The following RBM19 variants were observed in gnomAD, a reference collection of about 807,000 sequenced individuals.
RBM19 encodes the protein RNA binding motif protein 19, also known as probable RNA-binding protein 19.
Under a neutral mutation model 116.8 loss-of-function variants are expected in RBM19, and 94 were observed. That is an observed-to-expected ratio of 0.80 (90% CI 0.68 to 0.95). The LOEUF is 0.95. RBM19 is among the 40% of genes least tolerant of loss of function. The pLI is 0.00. For missense variants in RBM19, 1,161 were observed against 1,220.7 expected, an observed-to-expected ratio of 0.95 and a Z score of 0.73; for synonymous variants, 475 against 494.1, an observed-to-expected ratio of 0.96 and a Z score of 0.51.
At chr12:113,895,187 TC>T (rs1235035716) in intron 21 of RBM19, among the ~76,000 whole-genome samples, 2 of 152,226 alleles carry the variant, frequency 1.3e-5, no homozygotes, top group Admixed American at 1.3e-4. Flanking sequence ...ATATTTGAAT[TC>T]CCTGGAAAGT....
chr12:113,893,942 G>A (rs895432325), intron 21 of RBM19, among the ~76,000 whole-genome samples: 4 of 152,192 alleles, frequency 2.6e-5, no homozygotes, highest in African/African-American at 9.7e-5. Context: ...CTAATGGATG[G>A]TGTTGTCTCG....
chr12:113,964,223 T>C (rs1366374001), intron 1 of RBM19, among the ~76,000 whole-genome samples: 2 of 152,260 alleles, frequency 1.3e-5, no homozygotes, highest in Non-Finnish European at 2.9e-5. Context: ...CTCTATAAAT[T>C]ACACCAGTGT....
intron 6 of RBM19, among the ~76,000 whole-genome samples, chr12:113,956,965 A>G (rs1049526312): frequency 2.6e-5 from 4 of 152,146 alleles, no homozygotes; most frequent in Admixed American, 6.5e-5. Flanking sequence ...GATCCTCCCT[A>G]TGATTGCTGA....
intron 4 of RBM19, 64 bp downstream of exon 4, chr12:113,959,801 A>T: frequency 4.7e-6 from 7 of 1,483,044 alleles, no homozygotes; most frequent in Non-Finnish European, 5.4e-6. Flanking sequence ...TACCCTCTCC[A>T]GTCTCCACCC....
chr12:113,921,419 A>G (rs1238015171), intron 18 of RBM19, among the ~76,000 whole-genome samples: 1 of 152,096 alleles, frequency 6.6e-6, no homozygotes, highest in Non-Finnish European at 1.5e-5. Context: ...AGCATCTCAT[A>G]CATATTTGTT....
In RBM19 at chr12:113,958,000, T is replaced by A. The variant is rs150685892; in HGVS notation, c.622A>T (p.Met208Leu). Residue 208 changes from methionine to leucine, a missense_variant, in exon 6 of 24, where the codon ATG becomes TTG. Physicochemically the swap from Met to Leu is conservative, Grantham distance 15 (BLOSUM62 2). Transcript: ENST00000261741. ...KAAVQKELSD[M>L]DYLKSKMVKA... is the part of the protein sequence containing the mutation. ...ACCATCTTGGATTTCAGGTAATCCA[T>A]GTCCGACAGCTCCTTCTGCACAGCT... 6.2e-6 allele frequency: 10 copies of A among 1,614,134 alleles called. No individual in the cohort carries two copies. Among genetic ancestry groups the A allele is most frequent in the Non-Finnish European group, 8.5e-6 (10 of 1,180,004 alleles).
chr12:113,837,563 C>T (rs968792822), intron 23 of RBM19, among the ~76,000 whole-genome samples: 6 of 152,192 alleles, frequency 3.9e-5, no homozygotes, highest in African/African-American at 7.2e-5. Context: ...GCGCTGTGGC[C>T]CCATCGTACC....
chr12:113,891,132 A>C (rs1593540900), intron 21 of RBM19, among the ~76,000 whole-genome samples: 1 of 152,104 alleles, frequency 6.6e-6, no homozygotes, highest in African/African-American at 2.4e-5. Flanking sequence ...GAAACAACCC[A>C]TGGGGCTATT....
chr12:113,830,118 ACAG>A (rs1875241146), intron 23 of RBM19, among the ~76,000 whole-genome samples: 1 of 152,196 alleles, frequency 6.6e-6, no homozygotes, highest in Non-Finnish European at 1.5e-5. Flanking sequence ...CCTTACTGGC[ACAG>A]CATAGCAAAG....
chr12:113,851,317 G>C, intron 22 of RBM19, among the ~76,000 whole-genome samples: 1 of 152,184 alleles, frequency 6.6e-6, no homozygotes, highest in Non-Finnish European at 1.5e-5. Context: ...AGCTCGCTCA[G>C]CTCAGTGCGA....
intron 8 of RBM19, among the ~76,000 whole-genome samples, chr12:113,950,943 A>G (rs1391173714): frequency 1.3e-5 from 2 of 151,944 alleles, no homozygotes; most frequent in East Asian, 3.9e-4. Context: ...ATCCTCCCTT[A>G]GACGATGGCA....
rs758652606 is a variant in RBM19, at chr12:113,945,858, G to A, written c.1596C>T (p.Tyr532=). ...CAAACACTTGACTCTTGGTGGCGTT[G>A]TACTTCTGTGCGATGGCATCGGCCA... ...NAVADAIAQK[Y]NATKSQVFDH... is the part of the protein sequence containing the mutation. The change falls in exon 13 of 24, where the codon TAC becomes TAT. Residue 532 remains tyrosine, a synonymous_variant. Coordinates refer to ENST00000261741, the MANE Select transcript of RBM19 (RefSeq NM_016196.4). 3.8e-6 allele frequency: 6 copies of A among 1,584,540 alleles called. No homozygotes were observed. Among genetic ancestry groups the A allele is most frequent in the Non-Finnish European group, 5.2e-6 (6 of 1,153,126 alleles).
intron 16 of RBM19, 84 bp from the exon 17 acceptor site, chr12:113,927,313 C>G: frequency 6.8e-7 from 1 of 1,462,798 alleles, no homozygotes; most frequent in Non-Finnish European, 9.0e-7. Flanking sequence ...CTGGGGCCAA[C>G]TGCAAAAAGC....
At chr12:113,876,731 C>T (rs777749977) in intron 21 of RBM19, among the ~76,000 whole-genome samples, 1 of 151,972 alleles carries the variant, frequency 6.6e-6, no homozygotes, top group African/African-American at 2.4e-5. Flanking sequence ...GTTAGAGCTA[C>T]AGTGAGCTGA....
chr12:113,844,685 G>A lies in RBM19; in HGVS notation c.2768C>T (p.Thr923Met), dbSNP rs911656664. The change falls in exon 23 of 24, where the codon ACG becomes ATG. Residue 923 changes from threonine (T) to methionine (M), a missense_variant. Transcript: ENST00000261741. ...GCTCCTACCGTGAAAGTGAGCGGCC[G>A]TCTTCCGCCGCAGGGCCTGCAGGGT... Reference protein sequence around the residue: ...EVTLQALRRKTAAHFHEPPKK... With the variant: ...EVTLQALRRKMAAHFHEPPKK... The A allele has an allele frequency of 3.1e-6, 5 of 1,611,128 alleles. No homozygotes were observed. Among genetic ancestry groups the A allele is most frequent in the African/African-American group, 1.3e-5 (1 of 75,022 alleles).
At position 113,823,073 on chromosome 12, in the gene RBM19, C is replaced by T. The variant is rs1874547537; in HGVS notation, c.*151G>A. 4.4e-6 allele frequency: 3 copies of T among 681,674 alleles called. No homozygotes were observed. Among genetic ancestry groups the T allele is most frequent in the Admixed American group, 2.9e-5 (1 of 34,104 alleles). 42.2% of individuals were successfully genotyped at this position (681,674 alleles called of 1,614,324 possible). A position where few individuals can be genotyped will look rare whatever the true frequency, so the allele number is the denominator to read the frequency against. The stretch of plus-strand genomic sequence containing the variant: ...GGCAGTGGCCTGAGGCCTTCCTCAT[C>T]CCCTGTCTCCTCCGACCTTGGACCA... On this transcript the variant is annotated 3_prime_UTR_variant, in exon 24 of 24. Coordinates refer to ENST00000261741, the MANE Select transcript of RBM19 (RefSeq NM_016196.4).
At chr12:113,948,746 C>G in intron 10 of RBM19, 87 bp downstream of exon 10, 1 of 1,372,408 alleles carries the variant, frequency 7.3e-7, no homozygotes, top group South Asian at 1.3e-5. Flanking sequence ...GTCGTGTGCA[C>G]ACTGGGACTT....
intron 8 of RBM19, among the ~76,000 whole-genome samples, 190 bp downstream of exon 8, chr12:113,952,322 C>A (rs530312689): frequency 6.6e-6 from 1 of 152,350 alleles, no homozygotes; most frequent in South Asian, 2.1e-4. Flanking sequence ...CATCCCTATA[C>A]ACTAGGCCAC....
intron 20 of RBM19, 117 bp from the exon 21 acceptor site, chr12:113,915,202 T>C (rs1470620190): frequency 3.4e-6 from 3 of 891,960 alleles, no homozygotes; most frequent in Non-Finnish European, 5.5e-6. Flanking sequence ...GGAGTGTGCG[T>C]GGGGTGCGGG....
Sources: gnomAD v4.1 joint callset for allele counts (sites outside exome capture counted in the v4.1 genomes callset) on GRCh38, gnomAD v4.1.1 for gene constraint, MANE v1.5 for transcripts, NCBI Gene and HGNC (gene_info 2026-07-23, HGNC 2026-07-21) for gene names.